SYNE2: variants seen among roughly 807,000 people sequenced by gnomAD.
SYNE2 encodes the protein spectrin repeat containing nuclear envelope protein 2, also known as nesprin-2.
In SYNE2, 431 loss-of-function variants were observed where a neutral mutation model predicts 856.3. The observed-to-expected ratio is 0.50, with a 90% CI of 0.47 to 0.55. SYNE2 has a LOEUF of 0.55. SYNE2 is among the 20% of genes least tolerant of loss of function. SYNE2 has a pLI of 0.00. For synonymous variants in SYNE2, 2,923 were observed against 2,872.3 expected, an observed-to-expected ratio of 1.02 and a Z score of -0.56; for missense variants, 8,129 against 8,023.2, an observed-to-expected ratio of 1.01 and a Z score of -0.50.
chr14:64,155,485 AGAG>A (rs2098278534), intron 85 of SYNE2, among the ~76,000 whole-genome samples: 1 of 152,152 alleles, frequency 6.6e-6, no homozygotes, highest in African/African-American at 2.4e-5. Flanking sequence ...GTTTCTTTTC[AGAG>A]TCATGAAAAT....
intron 1 of SYNE2, among the ~76,000 whole-genome samples, chr14:63,885,944 C>G (rs1335026491): frequency 6.6e-6 from 1 of 152,162 alleles, no homozygotes; most frequent in Admixed American, 6.5e-5. Flanking sequence ...CTGAGGGAGA[C>G]AGCTCGAGAA....
At chr14:63,813,789 C>T (rs1334587458) in intron 1 of SYNE2, among the ~76,000 whole-genome samples, 1 of 152,184 alleles carries the variant, frequency 6.6e-6, no homozygotes, top group African/African-American at 2.4e-5. Context: ...TGTGGTGGCT[C>T]ATGCCTGTAA....
At position 64,100,547 on chromosome 14, in the gene SYNE2, T is replaced by TATAGATATATAG. The variant is rs1555484265; in HGVS notation, c.12382-1382_12382-1381insGATATATAGATA. On this transcript the variant is annotated intron_variant, in intron 63 of 115. Transcript: ENST00000555002. Reference sequence around the variant, plus strand: ...AAAAAAAAAAATATATATATATATATATATATATATATATATATATATATT... The same window carrying TATAGATATATAG: ...AAAAAAAAAAATATATATATATATATATAGATATATAGATATATATATATATATATATATATT... Among the ~76,000 whole-genome samples, 4 of 85,606 alleles carry TATAGATATATAG rather than the reference T, an allele frequency of 4.7e-5. No homozygotes were observed. The South Asian group carries it at 1.2e-3, about 25-fold the overall frequency. The allele number at this position is 85,606 out of a possible 152,430, so 56.2% of individuals were successfully genotyped here.
intron 64 of SYNE2, among the ~76,000 whole-genome samples, chr14:64,102,937 C>T (rs1272404586): frequency 6.6e-6 from 1 of 152,078 alleles, no homozygotes; most frequent in African/African-American, 2.4e-5. Flanking sequence ...TTTCATTTAA[C>T]ATAATGTCTT....
At position 64,002,094 on chromosome 14, in the gene SYNE2, G is replaced by A. The variant is rs2096759516; in HGVS notation, c.3786+13G>A. The A allele has an allele frequency of 6.3e-7, 1 of 1,588,236 alleles. No individual in the cohort carries two copies. The highest frequency in any genetic ancestry group is 8.6e-7 in the Non-Finnish European group (1 of 1,156,916). ...TCAACACCTAAGGGTAAGTATATAA[G>A]TTCTCACAGTGTATTTACAGAATAA... On this transcript the variant is annotated intron_variant, in intron 29 of 115. Transcript: ENST00000555002.
chr14:63,978,119 C>A, intron 13 of SYNE2, 102 bp downstream of exon 13: 2 of 797,268 alleles, frequency 2.5e-6, no homozygotes, highest in Non-Finnish European at 4.4e-6. Flanking sequence ...TAATTTTTAC[C>A]AAGTATTCTC....
chr14:63,835,983 CA>C (rs369182135), intron 1 of SYNE2, among the ~76,000 whole-genome samples: 10,705 of 127,982 alleles, frequency 0.084, 395 homozygotes, highest in Middle Eastern at 0.12. Context: ...AACTCTGTCT[CA>C]AAAAAAAAAA....
At chr14:63,888,095 C>T (rs750671210) in intron 1 of SYNE2, among the ~76,000 whole-genome samples, 9 of 152,058 alleles carry the variant, frequency 5.9e-5, no homozygotes, top group Non-Finnish European at 1.3e-4. Context: ...ACTTATTTAG[C>T]TGGAAGGGCT....
Position 64,080,521 on chromosome 14 carries a change from C to T in SYNE2, c.11229C>T (p.Asp3743=), listed in dbSNP as rs779841354. The change falls in exon 56 of 116, where the codon GAC becomes GAT. Residue 3743 remains aspartate (D), a synonymous_variant. Transcript: ENST00000555002. ...ATGAGCTGGATTCTGAAGTTCAGGA[C>T]ATTGTTGAACAGGACCCAGGACAGG... ...KLNELDSEVQ[D]IVEQDPGQAQ... 3 of 1,614,138 alleles carry T rather than the reference C, an allele frequency of 1.9e-6. No individual in the cohort carries two copies. The highest frequency in any genetic ancestry group is 3.3e-5 in the Admixed American group (2 of 60,014).
intron 64 of SYNE2, among the ~76,000 whole-genome samples, chr14:64,106,262 A>C (rs1183345436): frequency 2.0e-5 from 3 of 151,886 alleles, no homozygotes; most frequent in Non-Finnish European, 4.4e-5. Context: ...TGGCTTTTGT[A>C]ACTCTTCTTT....
At chr14:63,772,647 G>A (rs1279379646) in intron 1 of SYNE2, among the ~76,000 whole-genome samples, 1 of 151,518 alleles carries the variant, frequency 6.6e-6, no homozygotes, top group Admixed American at 6.6e-5. Context: ...GGAGGCTGAG[G>A]CAGGAGAATC....
At chr14:63,846,886 G>A (rs1392811623) in intron 1 of SYNE2, among the ~76,000 whole-genome samples, 1 of 151,976 alleles carries the variant, frequency 6.6e-6, no homozygotes, top group African/African-American at 2.4e-5. Context: ...TGTGAACCAT[G>A]TACCTGGCCT....
chr14:64,188,806 T>G (rs957408338), intron 98 of SYNE2, 98 bp downstream of exon 98: 1 of 1,295,602 alleles, frequency 7.7e-7, no homozygotes, highest in Non-Finnish European at 1.1e-6. Context: ...TACGGGTGTT[T>G]CCAGTAGCAT....
rs2096802973 is a variant in SYNE2, at chr14:64,007,202, C to T, written c.4557C>T (p.Thr1519=). Residue 1519 remains threonine (T), a synonymous_variant, in exon 31 of 116, where the codon ACC becomes ACT. Coordinates refer to ENST00000555002, the MANE Select transcript of SYNE2 (RefSeq NM_182914.3). Reference sequence around the variant, plus strand: ...ATACAGTAGTCTTGTGGGAGAATACCAAAGCCTTGGTCACCGAATGGTAAG... The same window carrying T: ...ATACAGTAGTCTTGTGGGAGAATACTAAAGCCTTGGTCACCGAATGGTAAG... ...CQNTVVLWEN[T]KALVTECLEQ... The T allele has an allele frequency of 6.2e-7, 1 of 1,614,002 alleles. No individual in the cohort carries two copies. The highest frequency in any genetic ancestry group is 8.5e-7 in the Non-Finnish European group (1 of 1,179,922).
intron 97 of SYNE2, among the ~76,000 whole-genome samples, chr14:64,187,580 T>C (rs887099360): frequency 2.0e-5 from 3 of 152,150 alleles, no homozygotes; most frequent in Admixed American, 2.0e-4. Flanking sequence ...CTAGGATAGT[T>C]TTTCAAGCCT....
chr14:64,170,456 G>C lies in SYNE2; in HGVS notation c.17229G>C (p.Glu5743Asp). Residue 5743 changes from glutamate (E) to aspartate (D), a missense_variant, in exon 94 of 116, where the codon GAG becomes GAC. Transcript: ENST00000555002. ...SLYQTRSLIH[E>D]LKNKEIHFQR... Reference sequence around the variant, plus strand: ...ACCAAACCAGAAGTCTGATCCATGAGCTGAAGGTAGTGTATGCATCGTAGC... The same window carrying C: ...ACCAAACCAGAAGTCTGATCCATGACCTGAAGGTAGTGTATGCATCGTAGC... 1.2e-6 allele frequency: 2 copies of C among 1,609,852 alleles called. No individual in the cohort carries two copies. Among genetic ancestry groups the C allele is most frequent in the Non-Finnish European group, 1.7e-6 (2 of 1,177,898 alleles).
intron 11 of SYNE2, among the ~76,000 whole-genome samples, chr14:63,975,784 T>C (rs1264728360): frequency 6.6e-6 from 1 of 152,248 alleles, no homozygotes; most frequent in African/African-American, 2.4e-5. Context: ...TGGGTAACCA[T>C]CACATGGTCC....
intron 99 of SYNE2, among the ~76,000 whole-genome samples, chr14:64,195,523 T>C (rs1391234491): frequency 6.6e-6 from 1 of 152,186 alleles, no homozygotes; most frequent in Non-Finnish European, 1.5e-5. Flanking sequence ...AAATATCAAA[T>C]CCATAAAAGG....
At chr14:63,960,354 C>T (rs1423243145) in intron 8 of SYNE2, among the ~76,000 whole-genome samples, 1 of 152,176 alleles carries the variant, frequency 6.6e-6, no homozygotes, top group Non-Finnish European at 1.5e-5. Context: ...AATATGTTCA[C>T]TAAAGCACGC....
Sources: gnomAD v4.1 joint callset for allele counts (sites outside exome capture counted in the v4.1 genomes callset) on GRCh38, gnomAD v4.1.1 for gene constraint, MANE v1.5 for transcripts, NCBI Gene and HGNC (gene_info 2026-07-23, HGNC 2026-07-21) for gene names.